The following RBM38 variants were observed in gnomAD, a reference collection of about 807,000 sequenced individuals.
RBM38 encodes RNA-binding protein 38.
RBM38 carries 11 observed loss-of-function variants against 23.5 expected under a neutral mutation model. The ratio of observed to expected loss-of-function variants is 0.47; its 90% CI spans 0.29 to 0.77. The LOEUF is 0.77. RBM38 is among the 30% of genes least tolerant of loss of function. The probability of loss-of-function intolerance (pLI) is 0.08; values close to 1 mark genes in which losing one functional copy is unlikely to be tolerated. For synonymous variants in RBM38, 165 were observed against 166.1 expected (o/e 0.99, Z 0.05); for missense variants, 330 against 351.9 (o/e 0.94, Z 0.50).
At chr20:57,392,839 T>C in intron 2 of RBM38, 62 bp downstream of exon 2, 8 of 1,581,072 alleles carry the variant, frequency 5.1e-6, no homozygotes, top group Non-Finnish European at 6.9e-6. Context: ...TCGGTATCTG[T>C]CGGGTGGAAA....
intron 3 of RBM38, among the ~76,000 whole-genome samples, chr20:57,394,367 C>T (rs988693338): frequency 6.9e-6 from 1 of 145,102 alleles, no homozygotes; most frequent in African/African-American, 2.5e-5. Flanking sequence ...GTGAATGGGT[C>T]AGAGGCCCCA....
intron 3 of RBM38, among the ~76,000 whole-genome samples, chr20:57,395,894 G>C (rs2067270214): frequency 6.6e-6 from 1 of 152,242 alleles, no homozygotes; most frequent in Admixed American, 6.5e-5. Flanking sequence ...GCAGCGACTT[G>C]CTGTTGGCTG....
chr20:57,398,320 G>A (rs1279363698), intron 3 of RBM38, among the ~76,000 whole-genome samples: 1 of 152,182 alleles, frequency 6.6e-6, no homozygotes, highest in Non-Finnish European at 1.5e-5. Context: ...GCTCCACTGA[G>A]GATGGCGGAA....
chr20:57,393,599 C>T (rs1308562224), intron 3 of RBM38, among the ~76,000 whole-genome samples: 3 of 152,208 alleles, frequency 2.0e-5, no homozygotes, highest in African/African-American at 7.2e-5. Context: ...AGTTTCCTCA[C>T]CCGTAAAATG....
At chr20:57,393,961 C>CT (rs1320573352) in intron 3 of RBM38, among the ~76,000 whole-genome samples, 1 of 152,048 alleles carries the variant, frequency 6.6e-6, no homozygotes, top group Non-Finnish European at 1.5e-5. Flanking sequence ...TTTAAAACAT[C>CT]TAGTAAGTCC....
intron 3 of RBM38, among the ~76,000 whole-genome samples, chr20:57,406,097 A>G (rs2067380732): frequency 6.6e-6 from 1 of 152,192 alleles, no homozygotes; most frequent in African/African-American, 2.4e-5. Flanking sequence ...GGAGATACTG[A>G]TGCCCAGGGC....
intron 2 of RBM38, 148 bp from the exon 3 acceptor site, chr20:57,393,131 A>C (rs2067238339): frequency 3.7e-6 from 3 of 809,434 alleles, no homozygotes; most frequent in Admixed American, 2.0e-5. Flanking sequence ...CTTGGGGTTC[A>C]CAAGGGGGAG....
In RBM38 at chr20:57,407,405, C is replaced by T; in HGVS notation, c.417-138C>T. On this transcript the variant is annotated intron_variant, in intron 3 of 3. Coordinates refer to ENST00000356208, the MANE Select transcript of RBM38 (RefSeq NM_017495.6). This position sits in a 1 kb window ranked among gnomAD's most constrained non-coding sequence, Gnocchi z 4.0. Reference sequence around the variant, plus strand: ...TGAGGCGGCAGCATCTGGCCAGGTGCTGTTTCTGTGCCCATCTGACCGATG... The same window carrying T: ...TGAGGCGGCAGCATCTGGCCAGGTGTTGTTTCTGTGCCCATCTGACCGATG... 2 of 975,322 alleles carry T rather than the reference C, an allele frequency of 2.1e-6. No individual in the cohort carries two copies. The highest frequency in any genetic ancestry group is 3.1e-6 in the Non-Finnish European group (2 of 650,226). The allele number at this position is 975,322 out of a possible 1,614,324, so 60.4% of individuals were successfully genotyped here.
At chr20:57,403,106 TGTC>T (rs2067345928) in intron 3 of RBM38, among the ~76,000 whole-genome samples, 1 of 152,196 alleles carries the variant, frequency 6.6e-6, no homozygotes, top group Non-Finnish European at 1.5e-5. Flanking sequence ...TATTCCTAGT[TGTC>T]AGTTGTGACA....
At chr20:57,392,183 C>A (rs1341259094) in intron 1 of RBM38, 1 of 320,808 alleles carries the variant, frequency 3.1e-6, no homozygotes, top group African/African-American at 2.2e-5. Context: ...GTGTTAGGAG[C>A]TCTTCGGCCT....
chr20:57,403,068 TGTC>T (rs962672573), intron 3 of RBM38, among the ~76,000 whole-genome samples: 1 of 152,192 alleles, frequency 6.6e-6, no homozygotes, highest in Non-Finnish European at 1.5e-5. Flanking sequence ...CGACCCCTAA[TGTC>T]AGCAGCACCC....
intron 2 of RBM38, 64 bp downstream of exon 2, chr20:57,392,841 G>A: frequency 6.3e-7 from 1 of 1,576,708 alleles, no homozygotes; most frequent in Non-Finnish European, 8.6e-7. Context: ...GGTATCTGTC[G>A]GGTGGAAAGA....
At position 57,407,589 on chromosome 20, in the gene RBM38, G is replaced by A. The variant is rs762156310; in HGVS notation, c.463G>A (p.Val155Met). The change falls in exon 4 of 4, where the codon GTG (valine) becomes ATG (methionine). Residue 155 changes from valine (V) to methionine (M), a missense_variant. Around this residue, in one of 3 missense-constraint regions of RBM38, gnomAD observed 227 missense variants for 216.4 expected, o/e 1.05. Transcript: ENST00000356208. The surrounding 1 kb of genome is among the most constrained non-coding windows in gnomAD (Gnocchi z 4.0). ...CCCACCAGCCATCGTGCAGCCCAGC[G>A]TGGTGATCCCAGCCGCCCCTGTCCC... Reference protein sequence around the residue: ...IYPPAIVQPSVVIPAAPVPSL... With the variant: ...IYPPAIVQPSMVIPAAPVPSL... The A allele has an allele frequency of 3.2e-5, 51 of 1,613,620 alleles. No homozygotes were observed. The highest frequency in any genetic ancestry group is 3.3e-4 in the Middle Eastern group (2 of 6,084).
At chr20:57,394,920 T>C (rs2067259229) in intron 3 of RBM38, among the ~76,000 whole-genome samples, 1 of 152,106 alleles carries the variant, frequency 6.6e-6, no homozygotes, top group Non-Finnish European at 1.5e-5. Flanking sequence ...GGGCTCGCTC[T>C]GATCCACACA....
intron 3 of RBM38, among the ~76,000 whole-genome samples, chr20:57,401,384 G>C (rs960387045): frequency 1.3e-5 from 2 of 152,222 alleles, no homozygotes; most frequent in African/African-American, 4.8e-5. Flanking sequence ...AGCCGTGCCT[G>C]CCTGTCCCTC....
chr20:57,396,483 C>T (rs778068692), intron 3 of RBM38, among the ~76,000 whole-genome samples: 3 of 152,134 alleles, frequency 2.0e-5, no homozygotes, highest in Non-Finnish European at 2.9e-5. Flanking sequence ...CTGAGGGCAC[C>T]GGGAGCAGAG....
rs2067420601 is a variant in RBM38 at position 57,409,192 on chromosome 20, C to G, written c.*1346C>G. 6.5e-6 allele frequency: 1 copy of G among 152,678 alleles called. No individual in the cohort carries two copies. Among genetic ancestry groups the G allele is most frequent in the Non-Finnish European group, 1.5e-5 (1 of 68,110 alleles). 9.5% of individuals were successfully genotyped at this position (152,678 alleles called of 1,614,324 possible). On this transcript the variant is annotated 3_prime_UTR_variant, in exon 4 of 4. Coordinates refer to ENST00000356208, the MANE Select transcript of RBM38 (RefSeq NM_017495.6). ...GGGGGGTCTCCCTCCGGACCTACCTCAGGGAGCTGAGCGTGCAGGCGCTCC... is the reference window on the plus strand; with the variant it reads ...GGGGGGTCTCCCTCCGGACCTACCTGAGGGAGCTGAGCGTGCAGGCGCTCC...
At chr20:57,399,972 A>G (rs894354653) in intron 3 of RBM38, 2 of 456,142 alleles carry the variant, frequency 4.4e-6, no homozygotes, top group African/African-American at 2.0e-5. Flanking sequence ...GGCCGTGGTC[A>G]GTTCTTTTCG....
At chr20:57,392,085 C>T (rs977938790) in intron 1 of RBM38, 15 of 176,048 alleles carry the variant, frequency 8.5e-5, no homozygotes, top group African/African-American at 3.0e-4. Flanking sequence ...AATTAGGACT[C>T]CTAAGTTGGT....
Sources: gnomAD v4.1 joint callset for allele counts (sites outside exome capture counted in the v4.1 genomes callset) on GRCh38, gnomAD v4.1.1 for gene constraint, gnomAD v4.1.1 regional missense constraint, Gnocchi (gnomAD v3.1) non-coding constraint, MANE v1.5 for transcripts, NCBI Gene and HGNC (gene_info 2026-07-23, HGNC 2026-07-21) for gene names.